Variants in PDE3B observed in about 807,000 individuals in gnomAD.
PDE3B encodes the protein phosphodiesterase 3B.
A neutral mutation model predicts 116.8 loss-of-function variants in PDE3B; 66 were observed. The observed-to-expected ratio is 0.56, with a 90% CI of 0.46 to 0.69. PDE3B has a LOEUF of 0.69. Ranked by LOEUF, PDE3B falls within the 30% of genes least tolerant of loss-of-function variation. PDE3B has a pLI of 0.00. For missense variants in PDE3B, 1,384 were observed against 1,368.1 expected (o/e 1.01, Z -0.18); for synonymous variants, 595 against 533.6 (o/e 1.12, Z -1.59).
chr11:14,771,177 A>G (rs1857632793), intron 1 of PDE3B, among the ~76,000 whole-genome samples: 1 of 151,740 alleles, frequency 6.6e-6, no homozygotes, highest in Non-Finnish European at 1.5e-5. Flanking sequence ...TGGCTATTAG[A>G]ATGAATTATT....
At chr11:14,863,415 T>C (rs1341336624) in intron 14 of PDE3B, among the ~76,000 whole-genome samples, 1 of 152,204 alleles carries the variant, frequency 6.6e-6, no homozygotes, top group African/African-American at 2.4e-5. Flanking sequence ...CCATTGTGGT[T>C]TTTATTTGCA....
At chr11:14,806,690 T>C (rs1858936838) in intron 5 of PDE3B, among the ~76,000 whole-genome samples, 1 of 149,804 alleles carries the variant, frequency 6.7e-6, no homozygotes. Context: ...AAACCCCGTC[T>C]CTACTAAAAA....
At chr11:14,883,376 G>A in the PDE3B span, among the ~76,000 whole-genome samples, 1 of 152,232 alleles carries the variant, frequency 6.6e-6, no homozygotes, top group East Asian at 1.9e-4. Context: ...CAGAAATAAT[G>A]CCGCATATCT....
At chr11:14,797,445 A>C (rs2133927461) in intron 4 of PDE3B, among the ~76,000 whole-genome samples, 2 of 152,302 alleles carry the variant, frequency 1.3e-5, no homozygotes, top group Middle Eastern at 6.8e-3. Context: ...AATTTAAAGT[A>C]GTTTTTTCTA....
chr11:14,691,787 T>C (rs1189358630), intron 1 of PDE3B, among the ~76,000 whole-genome samples: 1 of 152,204 alleles, frequency 6.6e-6, no homozygotes, highest in East Asian at 1.9e-4. Context: ...CAGAGAGTTG[T>C]ATAGGATGAT....
chr11:14,896,907 ATTG>A, the PDE3B span, among the ~76,000 whole-genome samples: 2 of 152,266 alleles, frequency 1.3e-5, no homozygotes, highest in African/African-American at 2.4e-5. Flanking sequence ...AGTAGATTGA[ATTG>A]TTGTTAGAGA....
chr11:14,684,677 G>A (rs539029895), intron 1 of PDE3B, among the ~76,000 whole-genome samples: 6 of 152,226 alleles, frequency 3.9e-5, no homozygotes, highest in Admixed American at 6.5e-5. Context: ...TATCTCAACC[G>A]CATAAGACAC....
the PDE3B span, among the ~76,000 whole-genome samples, chr11:14,889,167 T>G: frequency 2.0e-4 from 26 of 130,128 alleles, no homozygotes; most frequent in African/African-American, 6.7e-4. Context: ...TCCAGTTGTT[T>G]TTTTTTTTTT....
Position 14,869,544 on chromosome 11 carries a change from A to G in PDE3B, c.3223A>G (p.Ile1075Val), listed in dbSNP as rs782468856. 2.5e-6 allele frequency: 4 copies of G among 1,613,970 alleles called. No homozygotes were observed. Among genetic ancestry groups the G allele is most frequent in the Middle Eastern group, 1.6e-4 (1 of 6,062 alleles). ...LTENHKIWKE[I>V]VEEEEKCKAD... ...TGAAAACCACAAGATATGGAAGGAA[A>G]TCGTAGAGGAAGAAGAAAAATGTAA... is the stretch of plus-strand genomic sequence containing the variant. Residue 1075 changes from isoleucine to valine, a missense_variant, in exon 16 of 16, where the codon ATC becomes GTC. By Grantham distance (29) the Ile-to-Val change is conservative (BLOSUM62 3). This residue lies in a region of PDE3B where 428 missense variants were observed against 561.4 expected (regional missense o/e 0.76). Coordinates refer to ENST00000282096, the MANE Select transcript of PDE3B (RefSeq NM_000922.4).
chr11:14,810,555 T>G (rs970547452), intron 5 of PDE3B, among the ~76,000 whole-genome samples: 5 of 152,036 alleles, frequency 3.3e-5, no homozygotes, highest in African/African-American at 1.2e-4. Flanking sequence ...ATTTTCTTCA[T>G]CCAGTCTATC....
chr11:14,646,438 C>A (rs1437592850), intron 1 of PDE3B, among the ~76,000 whole-genome samples: 4 of 152,124 alleles, frequency 2.6e-5, no homozygotes, highest in Non-Finnish European at 5.9e-5. Flanking sequence ...TTTGTTTTCT[C>A]AGTTTACTAC....
At chr11:14,831,835 A>G (rs562505647) in intron 9 of PDE3B, 58 bp downstream of exon 9, 5 of 1,297,990 alleles carry the variant, frequency 3.9e-6, no homozygotes, top group African/African-American at 1.5e-5. Flanking sequence ...AATCTTTATA[A>G]AAAGCAAAAT....
chr11:14,721,204 G>A (rs1366602431), intron 1 of PDE3B, among the ~76,000 whole-genome samples: 1 of 152,152 alleles, frequency 6.6e-6, no homozygotes, highest in Non-Finnish European at 1.5e-5. Flanking sequence ...TCAGAGAAAT[G>A]CAAATCAAAA....
intron 1 of PDE3B, among the ~76,000 whole-genome samples, chr11:14,768,251 A>G (rs1294601346): frequency 6.6e-6 from 1 of 151,554 alleles, no homozygotes; most frequent in African/African-American, 2.4e-5. Flanking sequence ...TGTAAAGTAC[A>G]GAGACTAAAG....
chr11:14,717,736 C>T lies in PDE3B; in HGVS notation c.979-54201C>T, dbSNP rs1286087296. 1.7e-3 allele frequency among the ~76,000 whole-genome samples: 229 copies of T among 133,166 alleles called. 1 individual carries two copies. The highest frequency in any genetic ancestry group is 6.1e-3 in the African/African-American group (213 of 34,790). The allele number at this position is 133,166 out of a possible 152,430, so 87.4% of individuals were successfully genotyped here. A position where few individuals can be genotyped will look rare whatever the true frequency, so the allele number is the denominator to read the frequency against. On this transcript the variant is annotated intron_variant, in intron 1 of 15. Coordinates refer to ENST00000282096, the MANE Select transcript of PDE3B (RefSeq NM_000922.4). ...AGCAAATGCTGAGAGATTTTGTCAC[C>T]ACCAGGCCTGCCCTAAAAGAGCTCC... is the stretch of plus-strand genomic sequence containing the variant.
chr11:14,757,985 G>A (rs1455576727), intron 1 of PDE3B, among the ~76,000 whole-genome samples: 3 of 151,520 alleles, frequency 2.0e-5, no homozygotes, highest in Non-Finnish European at 2.9e-5. Context: ...TTTGTATAAG[G>A]TGTAAGGAAG....
chr11:14,655,151 A>G (rs1304905306), intron 1 of PDE3B, among the ~76,000 whole-genome samples: 1 of 152,190 alleles, frequency 6.6e-6, no homozygotes, highest in Admixed American at 6.5e-5. Flanking sequence ...TGGAAATAAA[A>G]GAATGGAAAA....
intron 14 of PDE3B, 104 bp from the exon 15 acceptor site, chr11:14,867,402 T>G (rs567592728): frequency 2.2e-6 from 2 of 890,346 alleles, no homozygotes; most frequent in East Asian, 5.3e-5. Context: ...AATATTTTGA[T>G]ATAGATTGTT....
chr11:14,810,268 T>C (rs955633912), intron 5 of PDE3B, among the ~76,000 whole-genome samples: 2 of 151,562 alleles, frequency 1.3e-5, no homozygotes, highest in Admixed American at 1.3e-4. Context: ...CTGCACCCAC[T>C]AACTCGTCAT....
Sources: allele counts gnomAD v4.1 joint callset (sites outside exome capture counted in the v4.1 genomes callset), GRCh38; gene constraint gnomAD v4.1.1; regional missense constraint gnomAD v4.1.1; transcripts MANE v1.5; gene names NCBI Gene and HGNC (gene_info 2026-07-23, HGNC 2026-07-21).